The following LRRC47 variants were observed in gnomAD, a reference collection of about 807,000 sequenced individuals.
LRRC47 encodes leucine-rich repeat-containing protein 47.
LRRC47 carries 31 observed loss-of-function variants against 40.9 expected under a neutral mutation model. That is an observed-to-expected ratio of 0.76 (90% confidence interval 0.57 to 1.02). LRRC47 has a LOEUF of 1.02. Ranked by LOEUF, LRRC47 falls within the 50% of genes least tolerant of loss-of-function variation. LRRC47 has a pLI of 0.00. For synonymous variants in LRRC47, 427 were observed against 371.9 expected (o/e 1.15, Z -1.70); for missense variants, 726 against 796.1 (o/e 0.91, Z 1.06).
intron 5 of LRRC47, among the ~76,000 whole-genome samples, chr1:3,782,002 C>T (rs755701660): frequency 1.4e-4 from 22 of 152,076 alleles, no homozygotes; most frequent in Non-Finnish European, 2.1e-4. Context: ...AAGCAGATGG[C>T]GTCACACACA....
Position 3,785,093 on chromosome 1 carries a change from G to T in LRRC47, c.1188C>A (p.Asp396Glu). Residue 396 changes from aspartate (D) to glutamate (E), a missense_variant, in exon 3 of 7, where the codon GAC becomes GAA. By Grantham distance (45) the Asp-to-Glu change is conservative. Coordinates refer to ENST00000378251, the MANE Select transcript of LRRC47 (RefSeq NM_020710.3). ...GCAAAGGAGGCTGCAGCACCTTGAGGTCCTGTGGGGGCCGGGCGCAGTACA... is the reference window on the plus strand; with the variant it reads ...GCAAAGGAGGCTGCAGCACCTTGAGTTCCTGTGGGGGCCGGGCGCAGTACA... ...PLLYCARPPQ[D>E]LKIVPLGRKE... 1 of 1,596,552 alleles carries T rather than the reference G, an allele frequency of 6.3e-7. No individual in the cohort carries two copies. The highest frequency in any genetic ancestry group is 1.1e-5 in the South Asian group (1 of 89,798).
intron 1 of LRRC47, among the ~76,000 whole-genome samples, chr1:3,793,953 T>C (rs1190202445): frequency 6.6e-6 from 1 of 152,212 alleles, no homozygotes; most frequent in Admixed American, 6.5e-5. Context: ...TCTCAGCACC[T>C]TGGAGGCCAA....
intron 3 of LRRC47, among the ~76,000 whole-genome samples, chr1:3,784,522 A>C (rs1184260899): frequency 2.6e-5 from 4 of 152,184 alleles, no homozygotes; most frequent in Non-Finnish European, 4.4e-5. Flanking sequence ...CGGTTTTACT[A>C]TCGGGACAGA....
rs534104959 is a variant in LRRC47 at position 3,779,345 on chromosome 1, C to T, written c.*1743G>A. 3.9e-5 allele frequency: 6 copies of T among 152,218 alleles called. No homozygotes were observed. Among genetic ancestry groups the T allele is most frequent in the Admixed American group, 1.3e-4 (2 of 15,280 alleles). 9.4% of individuals were successfully genotyped at this position (152,218 alleles called of 1,614,324 possible). ...CAGTCATTTCTACAGACACAGAAAT[C>T]GAGACACTGAACAGAGAACAAATGG... On this transcript the variant is annotated 3_prime_UTR_variant, in exon 7 of 7. Transcript: ENST00000378251.
intron 1 of LRRC47, among the ~76,000 whole-genome samples, chr1:3,788,841 C>T (rs576263026): frequency 2.6e-5 from 4 of 152,148 alleles, no homozygotes; most frequent in Admixed American, 6.5e-5. Flanking sequence ...TAAAAGGGCT[C>T]GCGTGCCCTC....
At position 3,794,662 on chromosome 1, in the gene LRRC47, T is replaced by C. The variant is rs148163830; in HGVS notation, c.615+1200A>G. Among the ~76,000 whole-genome samples the C allele has an allele frequency of 2.9e-3, 448 of 151,958 alleles. 1 individual carries two copies. The highest frequency in any genetic ancestry group is 4.6e-3 in the Non-Finnish European group (313 of 67,964). ...GCCAGGGTTTGTCTATATATCCTTA[T>C]ATAGATATGTTACTTGTAAAATGAG... On this transcript the variant is annotated intron_variant, in intron 1 of 6. Transcript: ENST00000378251.
chr1:3,791,128 G>A (rs1025333999), intron 1 of LRRC47, among the ~76,000 whole-genome samples: 3 of 151,928 alleles, frequency 2.0e-5, no homozygotes, highest in African/African-American at 4.8e-5. Flanking sequence ...CACCCCGGCA[G>A]CCCAGCCCTG....
intron 6 of LRRC47, 26 bp downstream of exon 6, chr1:3,781,486 C>T (rs747051162): frequency 1.9e-6 from 3 of 1,608,468 alleles, no homozygotes; most frequent in African/African-American, 1.3e-5. Flanking sequence ...AAAAGCGTTT[C>T]TCAGGAGGAG....
At chr1:3,793,897 G>T (rs1643650012) in intron 1 of LRRC47, among the ~76,000 whole-genome samples, 1 of 152,066 alleles carries the variant, frequency 6.6e-6, no homozygotes, top group Non-Finnish European at 1.5e-5. Context: ...TGGGGAAGCT[G>T]ATTTAGTAAT....
Position 3,781,053 on chromosome 1 carries a change from A to G in LRRC47, c.*35T>C, listed in dbSNP as rs755592683. On this transcript the variant is annotated 3_prime_UTR_variant, in exon 7 of 7. Coordinates refer to ENST00000378251, the MANE Select transcript of LRRC47 (RefSeq NM_020710.3). ...ATTGCCGCATAGAAACCTCCGCAAA[A>G]CCGGCCAAACAAACGCGGACAGGCG... 4.4e-5 allele frequency: 71 copies of G among 1,597,828 alleles called. No individual in the cohort carries two copies. In the East Asian group the frequency reaches 1.1e-3, roughly 25 times the overall value.
rs182714668 is a variant in LRRC47, at chr1:3,781,169, A to T, written c.1671T>A (p.Asp557Glu). The T allele has an allele frequency of 3.7e-6, 6 of 1,613,902 alleles. No homozygotes were observed. The South Asian group carries it at 5.5e-5, about 15-fold the overall frequency. ...ACACCACCTTCAGGCTCCCTTCCAG[A>T]TCCACCACCCGGACCTGCTCCACCA... ...LLVVEQVRVVDLEGSLKVVYP... is the reference protein window; with the variant it reads ...LLVVEQVRVVELEGSLKVVYP... Residue 557 changes from aspartate (D) to glutamate (E), a missense_variant, in exon 7 of 7, where the codon GAT (aspartate) becomes GAA (glutamate). By Grantham distance (45) the Asp-to-Glu change is conservative (BLOSUM62 2). Coordinates refer to ENST00000378251, the MANE Select transcript of LRRC47 (RefSeq NM_020710.3).
chr1:3,780,764 T>G lies in LRRC47; in HGVS notation c.*324A>C. 3.4e-6 allele frequency: 1 copy of G among 298,198 alleles called. No individual in the cohort carries two copies. Among genetic ancestry groups the G allele is most frequent in the South Asian group, 3.8e-5 (1 of 26,300 alleles). The allele number at this position is 298,198 out of a possible 1,614,324, so 18.5% of individuals were successfully genotyped here. A position where few individuals can be genotyped will look rare whatever the true frequency, so the allele number is the denominator to read the frequency against. ...GGGCAGAGGTGGACAGATCATGAGG[T>G]CAAGAGATCAAGACCATCCTGGTCA... is the stretch of plus-strand genomic sequence containing the variant. On this transcript the variant is annotated 3_prime_UTR_variant, in exon 7 of 7. Coordinates refer to ENST00000378251, the MANE Select transcript of LRRC47 (RefSeq NM_020710.3).
intron 1 of LRRC47, among the ~76,000 whole-genome samples, chr1:3,795,564 C>T (rs1364956632): frequency 6.6e-6 from 1 of 152,224 alleles, no homozygotes; most frequent in African/African-American, 2.4e-5. Flanking sequence ...CAGGAGAAGC[C>T]AGGTTTGCTA....
chr1:3,789,416 C>T (rs1185485572), intron 1 of LRRC47, among the ~76,000 whole-genome samples: 1 of 152,266 alleles, frequency 6.6e-6, no homozygotes. Flanking sequence ...CTCCTTTCTG[C>T]CTGCAAACAC....
rs757795460 is a variant in LRRC47, at chr1:3,781,265, A to G, written c.1575T>C (p.Asp525=). 6.3e-5 allele frequency: 102 copies of G among 1,614,086 alleles called. 1 individual carries two copies. In the South Asian group the frequency reaches 1.0e-3, roughly 16 times the overall value. The change falls in exon 7 of 7, where the codon GAT becomes GAC. Residue 525 remains aspartate (D), a synonymous_variant. Coordinates refer to ENST00000378251, the MANE Select transcript of LRRC47 (RefSeq NM_020710.3). The stretch of plus-strand genomic sequence containing the variant: ...GATCTGGAAGTTGTCCAGAGACTGC[A>G]TCGGCTTCAGTATCTGAGAGTGATC... ...EEGSLSDTEA[D]AVSGQLPDPT...
In LRRC47 at chr1:3,796,149, C is replaced by A; in HGVS notation, c.328G>T (p.Ala110Ser). The change falls in exon 1 of 7, where the codon GCG becomes TCG. Residue 110 changes from alanine (A) to serine (S), a missense_variant. By Grantham distance (99) the Ala-to-Ser change is moderately conservative (BLOSUM62 1). Coordinates refer to ENST00000378251, the MANE Select transcript of LRRC47 (RefSeq NM_020710.3). ...TGGCCCGGCGGCAGCGCCTCCAGCGCGTTGCCCGACAGGTCGAGCACCCGA... is the reference window on the plus strand; with the variant it reads ...TGGCCCGGCGGCAGCGCCTCCAGCGAGTTGCCCGACAGGTCGAGCACCCGA... ...ALRVLDLSGN[A>S]LEALPPGQGL... 1 of 1,437,492 alleles carries A rather than the reference C, an allele frequency of 7.0e-7. No individual in the cohort carries two copies. The highest frequency in any genetic ancestry group is 9.1e-7 in the Non-Finnish European group (1 of 1,102,388). The allele number at this position is 1,437,492 out of a possible 1,614,324, so 89.0% of individuals were successfully genotyped here.
chr1:3,788,020 G>C (rs1643593667), intron 1 of LRRC47, among the ~76,000 whole-genome samples: 1 of 152,252 alleles, frequency 6.6e-6, no homozygotes, highest in Non-Finnish European at 1.5e-5. Flanking sequence ...TGACTGATCA[G>C]ACTTTGGCAA....
rs1294261253 is a variant in LRRC47, at chr1:3,784,115, T to C, written c.1195-4A>G. ...CTTTCCGCCCCAAGGGGACAATCTA[T>C]CGGGCAGAAACCCACAAACTCCACT... On this transcript the variant is annotated splice_polypyrimidine_tract_variant and splice_region_variant and intron_variant, in intron 3 of 6. Coordinates refer to ENST00000378251, the MANE Select transcript of LRRC47 (RefSeq NM_020710.3). 2 of 1,604,750 alleles carry C rather than the reference T, an allele frequency of 1.2e-6. No homozygotes were observed. The highest frequency in any genetic ancestry group is 2.7e-5 in the African/African-American group (2 of 74,630).
rs1570738028 is a variant in LRRC47 at position 3,787,104 on chromosome 1, G to C, written c.822C>G (p.Gly274=). The C allele has an allele frequency of 6.2e-7, 1 of 1,613,704 alleles. No individual in the cohort carries two copies. The highest frequency in any genetic ancestry group is 2.2e-5 in the East Asian group (1 of 44,878). The change falls in exon 2 of 7, where the codon GGC becomes GGG. Residue 274 remains glycine (G), a synonymous_variant. Transcript: ENST00000378251. The stretch of plus-strand genomic sequence containing the variant: ...TCCTCCGGCTCTCTTCCTTCTCCGA[G>C]CCCTCGGCACGGCCCTTGCCCTTCC... ...GGGKGKGRAE[G]SEKEESRRKR... is the part of the protein sequence containing the mutation.
Sources: gnomAD v4.1 joint callset for allele counts (sites outside exome capture counted in the v4.1 genomes callset) on GRCh38, gnomAD v4.1.1 for gene constraint, MANE v1.5 for transcripts, NCBI Gene and HGNC (gene_info 2026-07-23, HGNC 2026-07-21) for gene names.